The following ANK2 variants were observed in gnomAD, a reference collection of about 807,000 sequenced individuals.
ANK2 encodes the protein ankyrin 2.
A neutral mutation model predicts 360.5 loss-of-function variants in ANK2; 83 were observed. That is an observed-to-expected ratio of 0.23 (90% CI 0.19 to 0.28). The LOEUF is 0.28. Among genes scored for constraint, ANK2 ranks in the 10% least tolerant of loss-of-function variants. ANK2 has a pLI of 1.00. For missense variants in ANK2, 4,201 were observed against 4,795.7 expected (o/e 0.88, Z 3.66); for synonymous variants, 1,740 against 1,759.5 (o/e 0.99, Z 0.28).
At chr4:113,318,337 A>G (rs1456301473) in intron 25 of ANK2, among the ~76,000 whole-genome samples, 180 bp from the exon 26 acceptor site, 1 of 152,256 alleles carries the variant, frequency 6.6e-6, no homozygotes, top group Non-Finnish European at 1.5e-5. Context: ...TATTTAAATA[A>G]TGCAGTTTAA....
At chr4:113,133,428 T>A (rs1023307933) in intron 1 of ANK2, among the ~76,000 whole-genome samples, 1 of 152,146 alleles carries the variant, frequency 6.6e-6, no homozygotes, top group East Asian at 1.9e-4. Flanking sequence ...GGAAGAAAAT[T>A]ATGCTTGAAT....
At chr4:113,174,573 C>A in intron 2 of ANK2, 56 bp downstream of exon 2, 2 of 1,265,918 alleles carry the variant, frequency 1.6e-6, no homozygotes, top group South Asian at 1.3e-5. Context: ...TCATTACATT[C>A]TCAGAGCCCA....
At chr4:112,737,920 G>T in the ANK2 span, among the ~76,000 whole-genome samples, 1 of 152,174 alleles carries the variant, frequency 6.6e-6, no homozygotes, top group East Asian at 1.9e-4. Flanking sequence ...AGAAGAGATG[G>T]CAGTAAAGGA....
chr4:113,332,586 T>C lies in ANK2; in HGVS notation c.3225-468T>C, dbSNP rs1213501719. 2.0e-5 allele frequency among the ~76,000 whole-genome samples: 3 copies of C among 152,130 alleles called. No individual in the cohort carries two copies. The East Asian group carries it at 5.8e-4, about 29-fold the overall frequency. ...AGAAAATATAAGCAAAAACCACGAG[T>C]GCATGGCTCTTTAGTTCACAAGTAG... On this transcript the variant is annotated intron_variant, in intron 28 of 45. Coordinates refer to ENST00000357077, the MANE Select transcript of ANK2 (RefSeq NM_001148.6).
chr4:113,267,646 A>G (rs1338458181), intron 14 of ANK2, among the ~76,000 whole-genome samples: 1 of 152,142 alleles, frequency 6.6e-6, no homozygotes, highest in Non-Finnish European at 1.5e-5. Context: ...TGTTTTGGTT[A>G]CTGTAGACTT....
chr4:112,810,294 G>T, the ANK2 span, among the ~76,000 whole-genome samples: 14,933 of 150,600 alleles, frequency 0.099, 930 homozygotes, highest in Non-Finnish European at 0.14. Context: ...GAACCACTGT[G>T]CCTGGCCAAA....
intron 2 of ANK2, among the ~76,000 whole-genome samples, chr4:112,999,565 G>C (rs2154284352): frequency 6.6e-6 from 1 of 151,926 alleles, no homozygotes; most frequent in East Asian, 1.9e-4. Flanking sequence ...AAGCTGTCTT[G>C]GTTCACTAAA....
intron 1 of ANK2, among the ~76,000 whole-genome samples, chr4:112,851,925 A>G (rs72669674): frequency 0.033 from 5,015 of 152,240 alleles, 119 homozygotes; most frequent in Non-Finnish European, 0.05. Context: ...CCTGGCCACA[A>G]TTACTTTTCT....
chr4:112,910,849 T>C (rs2086919821), intron 2 of ANK2, among the ~76,000 whole-genome samples: 1 of 152,222 alleles, frequency 6.6e-6, no homozygotes, highest in African/African-American at 2.4e-5. Flanking sequence ...TTTAGCCTTC[T>C]TTTAAAAAGT....
chr4:113,124,730 T>C (rs1294393977), intron 1 of ANK2, among the ~76,000 whole-genome samples: 1 of 152,240 alleles, frequency 6.6e-6, no homozygotes, highest in African/African-American at 2.4e-5. Flanking sequence ...TTCATTTATA[T>C]CCAACTTAGC....
Position 113,381,748 on chromosome 4 carries a change from T to C in ANK2, c.*277T>C. 8.5e-7 allele frequency: 1 copy of C among 1,178,306 alleles called. No individual in the cohort carries two copies. The highest frequency in any genetic ancestry group is 2.7e-5 in the East Asian group (1 of 37,620). The allele number at this position is 1,178,306 out of a possible 1,614,324, so 73.0% of individuals were successfully genotyped here. A position where few individuals can be genotyped will look rare whatever the true frequency, so the allele number is the denominator to read the frequency against. ...GCCTAATTAATGGGATACCCCGACA[T>C]TTCCACTGTTAGCAAATATACGGCA... On this transcript the variant is annotated 3_prime_UTR_variant, in exon 46 of 46. Transcript: ENST00000357077.
rs1248149722 is a variant in ANK2, at chr4:113,159,475, A to AT, written c.85-14939dup. On this transcript the variant is annotated intron_variant, in intron 1 of 45. Transcript: ENST00000357077. ...TGAAATATATTACTGCATGTTTTAC[A>AT]TTAAAAAATACTGAGTAGTCAGTAA... is the stretch of plus-strand genomic sequence containing the variant. Among the ~76,000 whole-genome samples, 28 of 152,330 alleles carry AT rather than the reference A, an allele frequency of 1.8e-4. 1 individual carries two copies. Among genetic ancestry groups the AT allele is most frequent in the Admixed American group, 1.7e-3 (26 of 15,292 alleles).
In ANK2 at chr4:113,359,148, C is replaced by T; in HGVS notation, c.10530C>T (p.Ala3510=). ...EIVSDDESSS[A]LEVSVIENLP... ...TTTCAGACGATGAAAGTAGTAGTGC[C>T]CTGGAAGTATCAGTAATTGAAAATC... is the stretch of plus-strand genomic sequence containing the variant. The change falls in exon 38 of 46, where the codon GCC becomes GCT. Residue 3510 remains alanine, a synonymous_variant. Transcript: ENST00000357077. 2.5e-6 allele frequency: 4 copies of T among 1,613,638 alleles called. No homozygotes were observed. Among genetic ancestry groups the T allele is most frequent in the Non-Finnish European group, 3.4e-6 (4 of 1,179,716 alleles).
chr4:112,782,321 T>C, the ANK2 span, among the ~76,000 whole-genome samples: 1 of 152,198 alleles, frequency 6.6e-6, no homozygotes, highest in Non-Finnish European at 1.5e-5. Context: ...CTCTCTACTT[T>C]TGTTTATATC....
chr4:113,118,429 T>C (rs1384807189), intron 1 of ANK2, among the ~76,000 whole-genome samples: 2 of 152,190 alleles, frequency 1.3e-5, no homozygotes, highest in Non-Finnish European at 2.9e-5. Flanking sequence ...AATAGATATG[T>C]TTACCTTTCA....
In ANK2 at chr4:113,237,034, G is replaced by C. The variant is rs1453821513; in HGVS notation, c.531G>C (p.Gln177His). 7 of 1,614,086 alleles carry C rather than the reference G, an allele frequency of 4.3e-6. No homozygotes were observed. Among genetic ancestry groups the C allele is most frequent in the Non-Finnish European group, 5.9e-6 (7 of 1,180,038 alleles). Reference sequence around the variant, plus strand: ...TGGCACTCCAGCAAGGACACAACCAGGCGGTGGCCATCCTCTTGGAGAATG... The same window carrying C: ...TGGCACTCCAGCAAGGACACAACCACGCGGTGGCCATCCTCTTGGAGAATG... ...LAVALQQGHN[Q>H]AVAILLENDT... Residue 177 changes from glutamine (Q) to histidine (H), a missense_variant, in exon 6 of 46, where the codon CAG becomes CAC. Physicochemically the swap from Gln to His is conservative, Grantham distance 24. Around this residue, in one of 4 missense-constraint regions of ANK2, gnomAD observed 122 missense variants for 239.3 expected, o/e 0.51. Transcript: ENST00000357077.
At chr4:112,737,179 A>G in the ANK2 span, among the ~76,000 whole-genome samples, 1 of 152,050 alleles carries the variant, frequency 6.6e-6, no homozygotes, top group Non-Finnish European at 1.5e-5. Flanking sequence ...TTATGCATAC[A>G]AAGTGCTGTG....
chr4:112,812,074 C>CAAAAAA, the ANK2 span, among the ~76,000 whole-genome samples: 15 of 79,154 alleles, frequency 1.9e-4, no homozygotes, highest in East Asian at 7.8e-4. Flanking sequence ...GACTCCGTCT[C>CAAAAAA]AAAAAAAAAA....
chr4:113,311,351 A>G lies in ANK2; in HGVS notation c.2645A>G (p.Asp882Gly). 1 of 1,614,130 alleles carries G rather than the reference A, an allele frequency of 6.2e-7. No individual in the cohort carries two copies. Among genetic ancestry groups the G allele is most frequent in the Non-Finnish European group, 8.5e-7 (1 of 1,180,014 alleles). Residue 882 changes from aspartate to glycine, a missense_variant, in exon 24 of 46, where the codon GAT becomes GGT. By Grantham distance (94) the Asp-to-Gly change is moderately conservative. Transcript: ENST00000357077. ...TCACTACCCAGCAGTCAGTTCCTGGATGGTATGAATTACCTGCGATACAGC... is the reference window on the plus strand; with the variant it reads ...TCACTACCCAGCAGTCAGTTCCTGGGTGGTATGAATTACCTGCGATACAGC... ...DDSLPSSQFL[D>G]GMNYLRYSLE... is the part of the protein sequence containing the mutation.
Sources: gnomAD v4.1 joint callset for allele counts (sites outside exome capture counted in the v4.1 genomes callset) on GRCh38, gnomAD v4.1.1 for gene constraint, gnomAD v4.1.1 regional missense constraint, MANE v1.5 for transcripts, NCBI Gene and HGNC (gene_info 2026-07-23, HGNC 2026-07-21) for gene names.